The following ZFPM2 variants were observed in gnomAD, a reference collection of about 807,000 sequenced individuals.
The protein encoded by ZFPM2 is zinc finger protein ZFPM2.
ZFPM2 carries 20 observed loss-of-function variants against 98.6 expected under a neutral mutation model. The ratio of observed to expected loss-of-function variants is 0.20; its 90% CI spans 0.14 to 0.29. The LOEUF (loss-of-function observed/expected upper bound fraction) is 0.29. ZFPM2 is among the 10% of genes least tolerant of loss of function. ZFPM2 has a pLI of 1.00. For missense variants in ZFPM2, 1,310 were observed against 1,388.6 expected, an observed-to-expected ratio of 0.94 and a Z score of 0.90; for synonymous variants, 518 against 502.7, an observed-to-expected ratio of 1.03 and a Z score of -0.41.
chr8:105,588,505 C>A (rs1287563904), intron 4 of ZFPM2, among the ~76,000 whole-genome samples: 1 of 151,896 alleles, frequency 6.6e-6, no homozygotes, highest in Non-Finnish European at 1.5e-5. Context: ...AGTTTGAAAA[C>A]ACTTCGTTAC....
At chr8:105,751,727 G>C (rs1586238878) in intron 5 of ZFPM2, among the ~76,000 whole-genome samples, 1 of 151,832 alleles carries the variant, frequency 6.6e-6, no homozygotes, top group African/African-American at 2.4e-5. Context: ...ATGAGCGATG[G>C]AGGGCTACGT....
intron 5 of ZFPM2, among the ~76,000 whole-genome samples, chr8:105,748,050 A>G (rs1812388330): frequency 6.6e-6 from 1 of 152,096 alleles, no homozygotes; most frequent in Non-Finnish European, 1.5e-5. Flanking sequence ...TCTTAACAGA[A>G]TATCTTTGTG....
chr8:105,479,447 C>T (rs1813075930), intron 3 of ZFPM2, among the ~76,000 whole-genome samples: 1 of 152,066 alleles, frequency 6.6e-6, no homozygotes, highest in South Asian at 2.1e-4. Context: ...GATTCTGCAC[C>T]TTGTACACAG....
At chr8:105,795,977 GAC>G (rs1190370335) in intron 6 of ZFPM2, 2 of 214,608 alleles carry the variant, frequency 9.3e-6, no homozygotes, top group African/African-American at 4.7e-5. Context: ...GAAATCCAGA[GAC>G]ACAATGATGT....
chr8:105,402,070 T>C (rs1011278222), intron 1 of ZFPM2, among the ~76,000 whole-genome samples: 4 of 152,050 alleles, frequency 2.6e-5, no homozygotes, highest in African/African-American at 9.7e-5. Context: ...CTCAATATAG[T>C]ATTGCTGTTG....
intron 4 of ZFPM2, among the ~76,000 whole-genome samples, chr8:105,604,514 C>T (rs933285954): frequency 3.3e-5 from 5 of 152,094 alleles, no homozygotes; most frequent in East Asian, 1.9e-4. Context: ...AAACCTTTTC[C>T]GTGGTCTCCA....
intron 5 of ZFPM2, among the ~76,000 whole-genome samples, chr8:105,647,093 T>C (rs1387040726): frequency 6.6e-6 from 1 of 152,170 alleles, no homozygotes; most frequent in Non-Finnish European, 1.5e-5. Context: ...TCCTGATCTG[T>C]TTTGGGATTC....
chr8:105,598,341 T>G (rs1348064837), intron 4 of ZFPM2, among the ~76,000 whole-genome samples: 2 of 152,130 alleles, frequency 1.3e-5, no homozygotes, highest in Non-Finnish European at 2.9e-5. Context: ...GGAAGTTTTA[T>G]GAGAGAGAGA....
At chr8:105,609,556 C>T (rs1405068928) in intron 4 of ZFPM2, among the ~76,000 whole-genome samples, 1 of 152,126 alleles carries the variant, frequency 6.6e-6, no homozygotes, top group Non-Finnish European at 1.5e-5. Context: ...TAGTGCACAG[C>T]CTCCCATTGC....
intron 5 of ZFPM2, among the ~76,000 whole-genome samples, chr8:105,712,657 TCACCCA>T (rs1412777414): frequency 5.9e-5 from 9 of 152,004 alleles, no homozygotes; most frequent in Non-Finnish European, 1.3e-4. Context: ...ACTGATCCCA[TCACCCA>T]GATAGTGAAC....
intron 3 of ZFPM2, among the ~76,000 whole-genome samples, chr8:105,447,765 TAA>T (rs944611882): frequency 3.3e-5 from 5 of 152,054 alleles, no homozygotes; most frequent in Non-Finnish European, 5.9e-5. Context: ...TATCTTTTTT[TAA>T]AAGAGTTTGA....
intron 1 of ZFPM2, among the ~76,000 whole-genome samples, chr8:105,384,096 C>T (rs1298655499): frequency 6.6e-6 from 1 of 152,100 alleles, no homozygotes; most frequent in African/African-American, 2.4e-5. Context: ...AGTGTTAGCT[C>T]ACTCACTGTA....
intron 5 of ZFPM2, among the ~76,000 whole-genome samples, chr8:105,670,962 A>C (rs907857904): frequency 5.3e-5 from 8 of 152,158 alleles, no homozygotes; most frequent in Admixed American, 5.2e-4. Flanking sequence ...AATATACTAT[A>C]TATGGAAAGG....
intron 2 of ZFPM2, among the ~76,000 whole-genome samples, chr8:105,436,803 A>T (rs1812128344): frequency 6.6e-6 from 1 of 152,122 alleles, no homozygotes; most frequent in Non-Finnish European, 1.5e-5. Flanking sequence ...AGATCTGTTG[A>T]TGTGATGTTT....
intron 3 of ZFPM2, among the ~76,000 whole-genome samples, chr8:105,467,471 A>G (rs1413775431): frequency 1.3e-5 from 2 of 152,046 alleles, no homozygotes; most frequent in East Asian, 3.9e-4. Flanking sequence ...TAAAAATGTT[A>G]AGCCCAGCGA....
chr8:105,510,404 T>C (rs964286951), intron 3 of ZFPM2, among the ~76,000 whole-genome samples: 14 of 105,452 alleles, frequency 1.3e-4, no homozygotes, highest in African/African-American at 5.5e-4. Context: ...GCATGTTTTT[T>C]TTTTTTTTGT....
At chr8:105,542,251 G>A (rs1288992745) in intron 3 of ZFPM2, among the ~76,000 whole-genome samples, 1 of 151,946 alleles carries the variant, frequency 6.6e-6, no homozygotes, top group Non-Finnish European at 1.5e-5. Context: ...TTAGTTCTTT[G>A]GTGGATTAGA....
chr8:105,721,854 C>T (rs993628013), intron 5 of ZFPM2, among the ~76,000 whole-genome samples: 2 of 151,868 alleles, frequency 1.3e-5, no homozygotes, highest in Admixed American at 6.6e-5. Flanking sequence ...GCTGGTTGCA[C>T]TATCAAGTAT....
At chr8:105,412,006 A>T (rs1811586649) in intron 1 of ZFPM2, among the ~76,000 whole-genome samples, 1 of 151,786 alleles carries the variant, frequency 6.6e-6, no homozygotes, top group African/African-American at 2.4e-5. Flanking sequence ...CATTCAGTTA[A>T]TTTGAAGGTT....
Sources: allele counts gnomAD v4.1 joint callset (sites outside exome capture counted in the v4.1 genomes callset), GRCh38; gene constraint gnomAD v4.1.1; transcripts MANE v1.5; gene names NCBI Gene and HGNC (gene_info 2026-07-23, HGNC 2026-07-21).